SPICE1: variants seen among roughly 807,000 people sequenced by gnomAD.
The protein encoded by SPICE1 is spindle and centriole associated protein 1.
Under a neutral mutation model 102.7 loss-of-function variants are expected in SPICE1, and 75 were observed. The observed-to-expected ratio is 0.73, with a 90% CI of 0.61 to 0.88. The LOEUF is 0.88. SPICE1 is among the 40% of genes least tolerant of loss of function. SPICE1 has a pLI of 0.00. For synonymous variants in SPICE1, 308 were observed against 350.3 expected (o/e 0.88, Z 1.35); for missense variants, 979 against 1,020.1 (o/e 0.96, Z 0.55).
At chr3:113,457,405 A>G (rs985359471) in intron 12 of SPICE1, 48 bp from the exon 13 acceptor site, 2 of 1,577,184 alleles carry the variant, frequency 1.3e-6, no homozygotes, top group African/African-American at 2.7e-5. Context: ...AAAAGAAACT[A>G]TGAGCACATT....
chr3:113,496,420 C>CA (rs5851896), intron 4 of SPICE1, among the ~76,000 whole-genome samples: 76,917 of 150,460 alleles, frequency 0.51, 19,968 homozygotes, highest in East Asian at 0.69. Flanking sequence ...CCAGTCTCTA[C>CA]AAAAAAAAAG....
intron 7 of SPICE1, among the ~76,000 whole-genome samples, chr3:113,480,912 T>TAAAGAAAGAAAGAAAG (rs1553768641): frequency 0.038 from 4,006 of 106,468 alleles, 144 homozygotes; most frequent in Non-Finnish European, 0.044. Context: ...TTTAAAAATT[T>TAAAGAAAGAAAGAAAG]AAAGAAAGAA....
At chr3:113,479,017 C>A (rs1176051441) in intron 7 of SPICE1, among the ~76,000 whole-genome samples, 1 of 151,938 alleles carries the variant, frequency 6.6e-6, no homozygotes, top group Non-Finnish European at 1.5e-5. Flanking sequence ...CGTACATGTG[C>A]ACAATGTGCA....
chr3:113,445,355 C>T lies in SPICE1; in HGVS notation c.2520G>A (p.Glu840=). 1 of 1,612,450 alleles carries T rather than the reference C, an allele frequency of 6.2e-7. No homozygotes were observed. Among genetic ancestry groups the T allele is most frequent in the Non-Finnish European group, 8.5e-7 (1 of 1,179,168 alleles). The change falls in exon 18 of 18, where the codon GAG becomes GAA. Residue 840 remains glutamate, a synonymous_variant. Transcript: ENST00000295872. ...CAAACCAGCCTTCTTCATTCTGTTT[C>T]TCAATCTGTTGAACAAAGACACGGA... ...FTPLNPRAKI[E]KQNEEGWFAL...
chr3:113,446,817 T>C, intron 16 of SPICE1, 141 bp from the exon 17 acceptor site: 1 of 689,000 alleles, frequency 1.5e-6, no homozygotes. Flanking sequence ...GGTAAATTAT[T>C]TGTAACTTAT....
rs780981002 is a variant in SPICE1, at chr3:113,503,239, G to C, written c.100-12C>G. On this transcript the variant is annotated splice_polypyrimidine_tract_variant and intron_variant, in intron 2 of 17. Coordinates refer to ENST00000295872, the MANE Select transcript of SPICE1 (RefSeq NM_144718.4). ...TCAGTCACGGTATTCTGTAAAAAAA[G>C]GTGGCCTTTCTTTAAAAAAAAAAAA... The C allele has an allele frequency of 1.9e-6, 3 of 1,556,752 alleles. No individual in the cohort carries two copies. The South Asian group carries it at 3.7e-5, about 19-fold the overall frequency.
intron 17 of SPICE1, among the ~76,000 whole-genome samples, chr3:113,446,015 C>G (rs528726019): frequency 4.9e-4 from 75 of 152,300 alleles, no homozygotes; most frequent in East Asian, 9.6e-4. Context: ...ACTAGCACCA[C>G]AGAAAAAATG....
intron 7 of SPICE1, among the ~76,000 whole-genome samples, chr3:113,474,251 T>A (rs1450727137): frequency 6.6e-6 from 1 of 151,968 alleles, no homozygotes; most frequent in Non-Finnish European, 1.5e-5. Context: ...CCTAAATATA[T>A]ATGCACCCAA....
At chr3:113,453,078 T>G (rs1935694854) in intron 14 of SPICE1, among the ~76,000 whole-genome samples, 2 of 152,308 alleles carry the variant, frequency 1.3e-5, no homozygotes, top group African/African-American at 4.8e-5. Flanking sequence ...TAACTACTCA[T>G]GAGTTGAGGG....
In SPICE1 at chr3:113,472,621, G is replaced by A. The variant is rs7651876; in HGVS notation, c.612-3383C>T. ...GGAACGATCAGACAGCAGCATTCGC[G>A]GTTCACGAAAATCCACTGTTCTGCA... On this transcript the variant is annotated intron_variant, in intron 7 of 17. Coordinates refer to ENST00000295872, the MANE Select transcript of SPICE1 (RefSeq NM_144718.4). Among the ~76,000 whole-genome samples, 1,255 of 152,222 alleles carry A rather than the reference G, an allele frequency of 8.2e-3. 21 individuals carry two copies. The highest frequency in any genetic ancestry group is 0.029 in the African/African-American group (1,188 of 41,534).
At chr3:113,478,953 A>T (rs1936425523) in intron 7 of SPICE1, among the ~76,000 whole-genome samples, 1 of 152,062 alleles carries the variant, frequency 6.6e-6, no homozygotes, top group Non-Finnish European at 1.5e-5. Flanking sequence ...ATTTTTTTTT[A>T]AATCTTCTAT....
rs769295739 is a variant in SPICE1 at position 113,453,585 on chromosome 3, A to T, written c.2023T>A (p.Leu675Met). The T allele has an allele frequency of 4.2e-5, 67 of 1,614,056 alleles. No homozygotes were observed. Among genetic ancestry groups the T allele is most frequent in the Non-Finnish European group, 5.3e-5 (63 of 1,180,036 alleles). ...RKDIMTRIAD[L>M]TLQNSAIKAH... ...TTGATAGCTGAATTCTGCAATGTCAAATCAGCAATTCGTGTCATTATGTCC... is the reference window on the plus strand; with the variant it reads ...TTGATAGCTGAATTCTGCAATGTCATATCAGCAATTCGTGTCATTATGTCC... Residue 675 changes from leucine (L) to methionine (M), a missense_variant, in exon 14 of 18, where the codon TTG (leucine) becomes ATG (methionine). Physicochemically the swap from Leu to Met is conservative, Grantham distance 15 (BLOSUM62 2). Transcript: ENST00000295872.
Position 113,446,665 on chromosome 3 carries a change from G to C in SPICE1, c.2438C>G (p.Ala813Gly). 2 of 1,612,640 alleles carry C rather than the reference G, an allele frequency of 1.2e-6. No individual in the cohort carries two copies. The highest frequency in any genetic ancestry group is 4.5e-5 in the East Asian group (2 of 44,850). The change falls in exon 17 of 18, where the codon GCT becomes GGT. Residue 813 changes from alanine (A) to glycine (G), a missense_variant. Ala to Gly is a moderately conservative substitution (Grantham distance 60). Transcript: ENST00000295872. ...TAGTGGAGAACAAGAATTACCAGTA[G>C]CCCCGGAAGATCTATTCATGAAAAA... ...SGINTRRSSG[A>G]TGNSCSPLNA...
At chr3:113,446,697 A>G in intron 16 of SPICE1, 21 bp from the exon 17 acceptor site, 1 of 1,547,090 alleles carries the variant, frequency 6.5e-7, no homozygotes, top group East Asian at 2.3e-5. Context: ...AAAATAAAAC[A>G]GAGTAAGAGA....
At chr3:113,506,665 G>T in intron 1 of SPICE1, 60 bp from the exon 2 acceptor site, 1 of 1,339,768 alleles carries the variant, frequency 7.5e-7, no homozygotes, top group Non-Finnish European at 1.0e-6. Flanking sequence ...AGCATCACCA[G>T]AGTGGGGGAA....
rs143174852 is a variant in SPICE1, at chr3:113,445,141, T to A, written c.*166A>T. On this transcript the variant is annotated 3_prime_UTR_variant, in exon 18 of 18. Coordinates refer to ENST00000295872, the MANE Select transcript of SPICE1 (RefSeq NM_144718.4). ...GGTCAGTTGGTTGTTGAAAACTTAT[T>A]TGAGAAAGTCAAAAAATAATTGCTT... The A allele has an allele frequency of 5.0e-4, 249 of 503,024 alleles. No homozygotes were observed. The highest frequency in any genetic ancestry group is 4.4e-3 in the African/African-American group (226 of 51,070). 31.2% of individuals were successfully genotyped at this position (503,024 alleles called of 1,614,324 possible). A position where few individuals can be genotyped will look rare whatever the true frequency, so the allele number is the denominator to read the frequency against.
chr3:113,502,824 T>A (rs1937035756), intron 3 of SPICE1, among the ~76,000 whole-genome samples: 1 of 152,008 alleles, frequency 6.6e-6, no homozygotes, highest in South Asian at 2.1e-4. Flanking sequence ...TACACAGAAA[T>A]TATTACACTG....
chr3:113,443,688 G>A lies in SPICE1; in HGVS notation c.*1619C>T, dbSNP rs1559953663. 1 of 152,208 alleles carries A rather than the reference G, an allele frequency of 6.6e-6. No homozygotes were observed. Among genetic ancestry groups the A allele is most frequent in the African/African-American group, 2.4e-5 (1 of 41,454 alleles). The allele number at this position is 152,208 out of a possible 1,614,324, so 9.4% of individuals were successfully genotyped here. ...CTCCAACAAGAGGCAGCACAGCATA[G>A]GCTTTGGAGAAAGACTGCCTATGTT... On this transcript the variant is annotated 3_prime_UTR_variant, in exon 18 of 18. Transcript: ENST00000295872.
chr3:113,474,033 A>C (rs1476828637), intron 7 of SPICE1, among the ~76,000 whole-genome samples: 5 of 152,154 alleles, frequency 3.3e-5, no homozygotes, highest in African/African-American at 1.2e-4. Context: ...TGCTGTAATC[A>C]GGAAACCCAT....
Sources: gnomAD v4.1 joint callset for allele counts (sites outside exome capture counted in the v4.1 genomes callset) on GRCh38, gnomAD v4.1.1 for gene constraint, MANE v1.5 for transcripts, NCBI Gene and HGNC (gene_info 2026-07-23, HGNC 2026-07-21) for gene names.